KCNIP4: variants seen among roughly 807,000 people sequenced by gnomAD.
The protein encoded by KCNIP4 is Kv channel-interacting protein 4.
KCNIP4 carries 12 observed loss-of-function variants against 34.0 expected under a neutral mutation model. That is an observed-to-expected ratio of 0.35 (90% CI 0.23 to 0.57). The LOEUF is 0.57. KCNIP4 is among the 20% of genes least tolerant of loss of function. The pLI, the probability that KCNIP4 is intolerant of heterozygous loss-of-function variation, is 0.83. For synonymous variants in KCNIP4, 124 were observed against 102.2 expected (o/e 1.21, Z -1.29); for missense variants, 238 against 311.7 (o/e 0.76, Z 1.78).
At chr4:21,147,417 G>C (rs1752438748) in intron 1 of KCNIP4, among the ~76,000 whole-genome samples, 1 of 152,036 alleles carries the variant, frequency 6.6e-6, no homozygotes, top group South Asian at 2.1e-4. Context: ...TACCCAATTT[G>C]TGTGATCCGT....
intron 1 of KCNIP4, among the ~76,000 whole-genome samples, chr4:21,757,223 GAAAGAAAGAAAGAAAGAAAGAAA>G (rs1717682368): frequency 1.8e-4 from 4 of 22,414 alleles, no homozygotes; most frequent in African/African-American, 3.4e-4. Context: ...AAGAAAGAAA[GAAAGAAAGAAAGAAAGAAAGAAA>G]GAAAAGAAAA....
At chr4:20,963,250 C>G (rs1003136025) in intron 1 of KCNIP4, among the ~76,000 whole-genome samples, 1 of 151,894 alleles carries the variant, frequency 6.6e-6, no homozygotes, top group African/African-American at 2.4e-5. Context: ...TTCCTTGAAC[C>G]CGGGAATCAG....
intron 2 of KCNIP4, among the ~76,000 whole-genome samples, chr4:20,864,824 G>A (rs1490680720): frequency 6.6e-6 from 1 of 152,118 alleles, no homozygotes; most frequent in Non-Finnish European, 1.5e-5. Context: ...TGGCAGAACT[G>A]GGCCTAAATC....
intron 1 of KCNIP4, among the ~76,000 whole-genome samples, chr4:21,253,471 C>A (rs970757673): frequency 2.6e-5 from 4 of 152,174 alleles, no homozygotes; most frequent in African/African-American, 9.7e-5. Context: ...TAGCACCAAC[C>A]TCTTCTGAAA....
chr4:21,616,801 C>G (rs1744639339), intron 1 of KCNIP4, among the ~76,000 whole-genome samples: 2 of 152,298 alleles, frequency 1.3e-5, no homozygotes, highest in South Asian at 4.1e-4. Flanking sequence ...ACAGCCCATC[C>G]TACTTCAGTA....
intron 1 of KCNIP4, among the ~76,000 whole-genome samples, chr4:21,516,447 G>A (rs1306592449): frequency 1.3e-5 from 2 of 152,162 alleles, no homozygotes; most frequent in Non-Finnish European, 2.9e-5. Context: ...AGGACCTGGG[G>A]AGAAGTACAG....
chr4:20,876,626 T>A (rs1314872472), intron 2 of KCNIP4, among the ~76,000 whole-genome samples: 1 of 152,092 alleles, frequency 6.6e-6, no homozygotes, highest in Non-Finnish European at 1.5e-5. Flanking sequence ...TGTAGTGCAG[T>A]GGCACGATCT....
At chr4:21,333,179 T>C (rs938205638) in intron 1 of KCNIP4, among the ~76,000 whole-genome samples, 24 of 152,072 alleles carry the variant, frequency 1.6e-4, no homozygotes, top group African/African-American at 5.8e-4. Context: ...TTCTTAATTC[T>C]CAACAGAATT....
intron 1 of KCNIP4, among the ~76,000 whole-genome samples, chr4:21,778,772 A>C (rs562559179): frequency 2.4e-4 from 36 of 152,304 alleles, no homozygotes; most frequent in African/African-American, 8.4e-4. Flanking sequence ...CCAGTGAAGT[A>C]ATAATAATAA....
At chr4:21,534,217 C>T (rs1560495339) in intron 1 of KCNIP4, among the ~76,000 whole-genome samples, 3 of 152,126 alleles carry the variant, frequency 2.0e-5, no homozygotes, top group African/African-American at 7.2e-5. Flanking sequence ...AATGTTAGCT[C>T]TAATTATTTC....
chr4:21,280,217 C>G (rs1762694439), intron 1 of KCNIP4, among the ~76,000 whole-genome samples: 1 of 152,168 alleles, frequency 6.6e-6, no homozygotes, highest in Non-Finnish European at 1.5e-5. Flanking sequence ...CTAAACACAG[C>G]AACTATGTAA....
intron 1 of KCNIP4, among the ~76,000 whole-genome samples, chr4:21,705,178 G>A (rs1444314538): frequency 6.6e-6 from 1 of 152,140 alleles, no homozygotes; most frequent in African/African-American, 2.4e-5. Flanking sequence ...TAAAAGTGGA[G>A]AACAGATTAG....
At chr4:21,408,751 G>A (rs1339956972) in intron 1 of KCNIP4, among the ~76,000 whole-genome samples, 1 of 152,218 alleles carries the variant, frequency 6.6e-6, no homozygotes, top group African/African-American at 2.4e-5. Context: ...TTGATCAGAA[G>A]GAAGCCTGGT....
chr4:21,813,628 A>C (rs1721794759), intron 1 of KCNIP4, among the ~76,000 whole-genome samples: 2 of 152,224 alleles, frequency 1.3e-5, no homozygotes, highest in African/African-American at 4.8e-5. Context: ...AGTACAGAGA[A>C]GAGAAACAGG....
At chr4:21,205,468 A>G (rs929371984) in intron 1 of KCNIP4, among the ~76,000 whole-genome samples, 9 of 152,192 alleles carry the variant, frequency 5.9e-5, no homozygotes, top group African/African-American at 2.2e-4. Flanking sequence ...ATCTTTCACA[A>G]CTGTGTAAGC....
At chr4:20,869,257 A>T (rs1723180607) in intron 2 of KCNIP4, among the ~76,000 whole-genome samples, 1 of 152,100 alleles carries the variant, frequency 6.6e-6, no homozygotes, top group South Asian at 2.1e-4. Context: ...TATTAGGAAA[A>T]CTGAGCAGTG....
At chr4:21,187,108 A>G (rs1755290694) in intron 1 of KCNIP4, among the ~76,000 whole-genome samples, 1 of 152,238 alleles carries the variant, frequency 6.6e-6, no homozygotes, top group South Asian at 2.1e-4. Context: ...TATAGCAAGA[A>G]GTAATTCATT....
intron 1 of KCNIP4, among the ~76,000 whole-genome samples, chr4:20,921,842 T>C (rs377125265): frequency 6.6e-6 from 1 of 152,210 alleles, no homozygotes; most frequent in Non-Finnish European, 1.5e-5. Context: ...TGTTAACAAG[T>C]TGAATATTAA....
chr4:20,798,502 C>A (rs1373844454), intron 3 of KCNIP4, among the ~76,000 whole-genome samples: 7 of 151,520 alleles, frequency 4.6e-5, no homozygotes, highest in Admixed American at 4.6e-4. Context: ...TTCTACCACA[C>A]ACACACACAC....
Sources: allele counts gnomAD v4.1 joint callset (sites outside exome capture counted in the v4.1 genomes callset), GRCh38; gene constraint gnomAD v4.1.1; transcripts MANE v1.5; gene names NCBI Gene and HGNC (gene_info 2026-07-23, HGNC 2026-07-21).